Variants in SAMD5 observed in about 807,000 individuals in gnomAD.
SAMD5 encodes the protein sterile alpha motif domain-containing protein 5.
Under a neutral mutation model 11.3 loss-of-function variants are expected in SAMD5, and 13 were observed. The ratio of observed to expected loss-of-function variants is 1.15; its 90% CI spans 0.75 to 1.83. SAMD5 has a LOEUF of 1.83. Ranked by LOEUF, SAMD5 falls within the 40% of genes most tolerant of loss-of-function variation. The pLI is 0.00. For missense variants in SAMD5, 255 were observed against 239.1 expected, an observed-to-expected ratio of 1.07 and a Z score of -0.44; for synonymous variants, 129 against 111.3, an observed-to-expected ratio of 1.16 and a Z score of -1.00.
the SAMD5 span, among the ~76,000 whole-genome samples, chr6:147,842,591 A>G: frequency 6.6e-6 from 1 of 152,110 alleles, no homozygotes; most frequent in African/African-American, 2.4e-5. Flanking sequence ...TCAGGGAATT[A>G]GAAGACCTGG....
At chr6:147,917,605 T>C in the SAMD5 span, among the ~76,000 whole-genome samples, 1 of 152,166 alleles carries the variant, frequency 6.6e-6, no homozygotes, top group Non-Finnish European at 1.5e-5. Context: ...CCATTGCTTT[T>C]GGTGTTTTAG....
At chr6:147,549,421 A>G (rs1279194081) in intron 1 of SAMD5, among the ~76,000 whole-genome samples, 2 of 152,218 alleles carry the variant, frequency 1.3e-5, no homozygotes, top group Non-Finnish European at 2.9e-5. Context: ...CAGGAAGTGC[A>G]AGGATATTAA....
intron 1 of SAMD5, among the ~76,000 whole-genome samples, chr6:147,735,166 A>T (rs190468760): frequency 5.3e-5 from 8 of 152,356 alleles, no homozygotes; most frequent in Admixed American, 3.3e-4. Context: ...TTGCAAGTTG[A>T]CAAATTGTGA....
At chr6:147,700,263 G>A (rs1791234367) in intron 1 of SAMD5, among the ~76,000 whole-genome samples, 4 of 152,288 alleles carry the variant, frequency 2.6e-5, no homozygotes, top group African/African-American at 7.2e-5. Context: ...TGCCTTGCGT[G>A]ATCCTAATTG....
intron 1 of SAMD5, among the ~76,000 whole-genome samples, chr6:147,726,761 G>A (rs1791635197): frequency 6.6e-6 from 1 of 152,174 alleles, no homozygotes; most frequent in Admixed American, 6.5e-5. Flanking sequence ...CAGTACATGT[G>A]ACATAAAGTC....
chr6:147,834,130 G>C, the SAMD5 span, among the ~76,000 whole-genome samples: 42 of 152,310 alleles, frequency 2.8e-4, no homozygotes, highest in Admixed American at 2.5e-3. Flanking sequence ...TTTTTGAGCA[G>C]TGGCATAAGA....
At chr6:147,703,439 ATTG>A (rs1381938781) in intron 1 of SAMD5, among the ~76,000 whole-genome samples, 1 of 152,152 alleles carries the variant, frequency 6.6e-6, no homozygotes. Flanking sequence ...TTTGGTCCCT[ATTG>A]TTTGCAGAGC....
At chr6:147,648,391 A>C (rs1347628154) in intron 1 of SAMD5, among the ~76,000 whole-genome samples, 1 of 152,188 alleles carries the variant, frequency 6.6e-6, no homozygotes, top group Non-Finnish European at 1.5e-5. Flanking sequence ...TCATGATTCA[A>C]TTACCTCCAC....
At chr6:147,884,266 T>C in the SAMD5 span, among the ~76,000 whole-genome samples, 1 of 152,106 alleles carries the variant, frequency 6.6e-6, no homozygotes. Context: ...ACAGGCATGG[T>C]CCAAGGTGGA....
intron 1 of SAMD5, among the ~76,000 whole-genome samples, chr6:147,532,163 G>A (rs1788439991): frequency 6.6e-6 from 1 of 152,012 alleles, no homozygotes; most frequent in South Asian, 2.1e-4. Flanking sequence ...AGTTTTGGAG[G>A]TACTAGTGTT....
chr6:147,860,615 C>T, the SAMD5 span, among the ~76,000 whole-genome samples: 1 of 152,186 alleles, frequency 6.6e-6, no homozygotes, highest in African/African-American at 2.4e-5. Flanking sequence ...TAGGAGCTAT[C>T]ATTCCTCAGG....
chr6:147,553,625 A>G (rs963344449), intron 1 of SAMD5, among the ~76,000 whole-genome samples: 3 of 152,304 alleles, frequency 2.0e-5, no homozygotes, highest in Middle Eastern at 3.4e-3. Flanking sequence ...TTGTCACTGC[A>G]TAACACCCAG....
At chr6:147,724,718 G>A (rs1791601835) in intron 1 of SAMD5, among the ~76,000 whole-genome samples, 1 of 151,952 alleles carries the variant, frequency 6.6e-6, no homozygotes, top group Non-Finnish European at 1.5e-5. Context: ...ATGGGGGAAG[G>A]GAACAGCCTA....
chr6:147,640,914 T>A (rs1221463878), intron 1 of SAMD5, among the ~76,000 whole-genome samples: 1 of 152,220 alleles, frequency 6.6e-6, no homozygotes, highest in Non-Finnish European at 1.5e-5. Flanking sequence ...ATTTTTTAAT[T>A]TAATGTTAGC....
the SAMD5 span, among the ~76,000 whole-genome samples, chr6:147,828,898 G>A: frequency 6.6e-6 from 1 of 152,130 alleles, no homozygotes; most frequent in Non-Finnish European, 1.5e-5. Flanking sequence ...TACCATAAAA[G>A]GAGACAGAAC....
At chr6:147,592,606 T>C (rs1016452636) in intron 1 of SAMD5, among the ~76,000 whole-genome samples, 2 of 151,930 alleles carry the variant, frequency 1.3e-5, no homozygotes, top group African/African-American at 4.8e-5. Context: ...AAAGCCTAGG[T>C]TCATGTGTTA....
At chr6:147,702,224 A>G (rs890409434) in intron 1 of SAMD5, among the ~76,000 whole-genome samples, 22 of 152,218 alleles carry the variant, frequency 1.4e-4, no homozygotes, top group East Asian at 7.7e-4. Context: ...AGCATGGGAA[A>G]GACCCGCCCC....
At position 147,569,912 on chromosome 6, in the gene SAMD5, A is replaced by C. The variant is rs1789110612; in HGVS notation, c.*5456A>C. 14 of 985,234 alleles carry C rather than the reference A, an allele frequency of 1.4e-5. No homozygotes were observed. Among genetic ancestry groups the C allele is most frequent in the Non-Finnish European group, 1.6e-5 (13 of 829,722 alleles). The allele number at this position is 985,234 out of a possible 1,614,324, so 61.0% of individuals were successfully genotyped here. On this transcript the variant is annotated 3_prime_UTR_variant, in exon 2 of 2. Transcript: ENST00000367474. ...TTAAAGGACGTTATGAGAAGGCACTATGAAAAGCCTAATTGGAATAGCATT... is the reference window on the plus strand; with the variant it reads ...TTAAAGGACGTTATGAGAAGGCACTCTGAAAAGCCTAATTGGAATAGCATT...
chr6:147,772,736 A>G, the SAMD5 span, among the ~76,000 whole-genome samples: 2 of 152,238 alleles, frequency 1.3e-5, no homozygotes, highest in East Asian at 3.9e-4. Context: ...GTCAGATTGG[A>G]TTAAGGCCCA....
Sources: allele counts gnomAD v4.1 joint callset (sites outside exome capture counted in the v4.1 genomes callset), GRCh38; gene constraint gnomAD v4.1.1; transcripts MANE v1.5; gene names NCBI Gene and HGNC (gene_info 2026-07-23, HGNC 2026-07-21).